The following DLG2 variants were observed in gnomAD, a reference collection of about 807,000 sequenced individuals.
The protein encoded by DLG2 is disks large homolog 2.
Under a neutral mutation model 132.5 loss-of-function variants are expected in DLG2, and 45 were observed. That is an observed-to-expected ratio of 0.34 (90% CI 0.27 to 0.44). DLG2 has a LOEUF of 0.44. DLG2 is among the 20% of genes least tolerant of loss of function. The pLI, the probability that DLG2 is intolerant of heterozygous loss-of-function variation, is 1.00. For synonymous variants in DLG2, 424 were observed against 419.6 expected, an observed-to-expected ratio of 1.01 and a Z score of -0.13; for missense variants, 1,045 against 1,196.9, an observed-to-expected ratio of 0.87 and a Z score of 1.87.
chr11:85,050,885 T>C (rs555259), intron 6 of DLG2, among the ~76,000 whole-genome samples: 1 of 151,904 alleles, frequency 6.6e-6, no homozygotes, highest in African/African-American at 2.4e-5. Flanking sequence ...CTGTTTGCTC[T>C]GCATTAGCAT....
chr11:85,483,862 T>C (rs2093356832), intron 3 of DLG2, among the ~76,000 whole-genome samples: 1 of 147,998 alleles, frequency 6.8e-6, no homozygotes, highest in South Asian at 2.2e-4. Context: ...GAGAATCACT[T>C]GAACCCAGGA....
Position 84,551,962 on chromosome 11 carries a change from G to A in DLG2, c.358-17231C>T, listed in dbSNP as rs144668910. Among the ~76,000 whole-genome samples, 359 of 152,260 alleles carry A rather than the reference G, an allele frequency of 2.4e-3. 3 individuals are homozygous for A. Among genetic ancestry groups the A allele is most frequent in the African/African-American group, 8.4e-3 (351 of 41,542 alleles). On this transcript the variant is annotated intron_variant, in intron 6 of 27. Transcript: ENST00000376104. ...TCTTTCCTCTCTCATGTCTTCCAGA[G>A]TGGGGTCCATCTAACTAAATTGCCA...
intron 3 of DLG2, among the ~76,000 whole-genome samples, chr11:85,310,888 T>C (rs750487154): frequency 2.0e-5 from 3 of 152,214 alleles, no homozygotes; most frequent in African/African-American, 4.8e-5. Context: ...GTATGCTCTG[T>C]AAATATCTGC....
At chr11:85,120,346 T>C (rs939936548) in intron 5 of DLG2, among the ~76,000 whole-genome samples, 1 of 152,112 alleles carries the variant, frequency 6.6e-6, no homozygotes, top group Non-Finnish European at 1.5e-5. Flanking sequence ...AACAGAACTT[T>C]AGATTTCTAA....
chr11:85,044,545 C>G (rs939710602), intron 6 of DLG2, among the ~76,000 whole-genome samples: 1 of 151,988 alleles, frequency 6.6e-6, no homozygotes, highest in African/African-American at 2.4e-5. Flanking sequence ...AACCTTCTCA[C>G]GCAACCTCCA....
intron 6 of DLG2, among the ~76,000 whole-genome samples, chr11:84,637,809 C>G (rs1438158031): frequency 6.6e-6 from 1 of 152,180 alleles, no homozygotes; most frequent in African/African-American, 2.4e-5. Flanking sequence ...GCGATGCAGT[C>G]TCTTCAAAAC....
intron 7 of DLG2, among the ~76,000 whole-genome samples, chr11:84,322,583 T>C (rs1034077227): frequency 8.0e-6 from 1 of 125,560 alleles, no homozygotes; most frequent in Non-Finnish European, 1.6e-5. Flanking sequence ...AAAGTCATAA[T>C]AATTTCACAA....
intron 7 of DLG2, among the ~76,000 whole-genome samples, chr11:84,522,413 T>C (rs1454421333): frequency 1.1e-4 from 16 of 152,170 alleles, no homozygotes; most frequent in African/African-American, 3.6e-4. Context: ...TGTTCTGTTC[T>C]ATGTAAAGGA....
At chr11:85,286,733 G>A (rs1232284408) in intron 3 of DLG2, among the ~76,000 whole-genome samples, 1 of 152,052 alleles carries the variant, frequency 6.6e-6, no homozygotes, top group East Asian at 1.9e-4. Flanking sequence ...TAGAAGCAGG[G>A]ACACCCCAGC....
chr11:84,097,167 AT>A (rs1393252171), intron 10 of DLG2, among the ~76,000 whole-genome samples: 1 of 152,180 alleles, frequency 6.6e-6, no homozygotes, highest in Admixed American at 6.6e-5. Context: ...GCTTTATTTA[AT>A]AAGACTCCGT....
At chr11:84,368,505 T>TA (rs2098693201) in intron 7 of DLG2, among the ~76,000 whole-genome samples, 1 of 152,092 alleles carries the variant, frequency 6.6e-6, no homozygotes, top group Non-Finnish European at 1.5e-5. Context: ...GTCCTCTATT[T>TA]AAAGCAAATT....
intron 4 of DLG2, among the ~76,000 whole-genome samples, chr11:85,252,462 T>C (rs1311875347): frequency 6.6e-6 from 1 of 152,134 alleles, no homozygotes; most frequent in Non-Finnish European, 1.5e-5. Context: ...GGCACACACC[T>C]GTAGTCCCAG....
At chr11:84,270,480 C>G (rs1304905783) in intron 7 of DLG2, among the ~76,000 whole-genome samples, 1 of 152,184 alleles carries the variant, frequency 6.6e-6, no homozygotes, top group East Asian at 1.9e-4. Flanking sequence ...GCAGCACTAT[C>G]CAGGTATCAG....
intron 11 of DLG2, among the ~76,000 whole-genome samples, chr11:84,040,072 T>A (rs960976654): frequency 6.6e-6 from 1 of 151,752 alleles, no homozygotes; most frequent in African/African-American, 2.4e-5. Flanking sequence ...GGGTTGTTTG[T>A]TTTTTTCTTG....
chr11:84,582,374 G>C (rs1293643206), intron 6 of DLG2, among the ~76,000 whole-genome samples: 1 of 148,834 alleles, frequency 6.7e-6, no homozygotes, highest in Non-Finnish European at 1.5e-5. Flanking sequence ...ACAGCATTAG[G>C]ACTATATATA....
chr11:84,555,292 G>T (rs1201623529), intron 6 of DLG2, among the ~76,000 whole-genome samples: 1 of 151,712 alleles, frequency 6.6e-6, no homozygotes, highest in Non-Finnish European at 1.5e-5. Flanking sequence ...CCCACTTCTG[G>T]GTATATATCC....
chr11:84,501,143 C>A (rs2099203504), intron 7 of DLG2, among the ~76,000 whole-genome samples: 1 of 152,112 alleles, frequency 6.6e-6, no homozygotes, highest in Non-Finnish European at 1.5e-5. Context: ...TTCTTCCCAC[C>A]CAACTACTCC....
intron 18 of DLG2, among the ~76,000 whole-genome samples, chr11:83,740,487 A>G (rs2092416949): frequency 6.6e-6 from 1 of 152,180 alleles, no homozygotes; most frequent in Non-Finnish European, 1.5e-5. Flanking sequence ...TTAGGATAGC[A>G]GTTACTCTTC....
intron 6 of DLG2, among the ~76,000 whole-genome samples, chr11:85,005,211 C>G (rs1273044884): frequency 1.3e-5 from 2 of 152,140 alleles, no homozygotes; most frequent in East Asian, 3.8e-4. Flanking sequence ...GCTATACAGG[C>G]TGTTGTTTGG....
Sources: gnomAD v4.1 joint callset for allele counts (sites outside exome capture counted in the v4.1 genomes callset) on GRCh38, gnomAD v4.1.1 for gene constraint, MANE v1.5 for transcripts, NCBI Gene and HGNC (gene_info 2026-07-23, HGNC 2026-07-21) for gene names.